The following ZNF710 variants were observed in gnomAD, a reference collection of about 807,000 sequenced individuals.
The protein encoded by ZNF710 is zinc finger protein 710.
Under a neutral mutation model 50.6 loss-of-function variants are expected in ZNF710, and 13 were observed. The ratio of observed to expected loss-of-function variants is 0.26; its 90% CI spans 0.17 to 0.41. The LOEUF (loss-of-function observed/expected upper bound fraction) is 0.41, where lower values mean the gene tolerates loss of function less well. Among genes scored for constraint, ZNF710 ranks in the 10% least tolerant of loss-of-function variants. The probability of loss-of-function intolerance (pLI) is 1.00; values close to 1 mark genes in which losing one functional copy is unlikely to be tolerated. For missense variants in ZNF710, 721 were observed against 936.6 expected, an observed-to-expected ratio of 0.77 and a Z score of 3.01; for synonymous variants, 383 against 397.0, an observed-to-expected ratio of 0.96 and a Z score of 0.42.
At chr15:90,036,557 C>G (rs1899133458) in intron 1 of ZNF710, among the ~76,000 whole-genome samples, 2 of 152,212 alleles carry the variant, frequency 1.3e-5, no homozygotes, top group Admixed American at 6.5e-5. Context: ...TCCCCACATT[C>G]AGCTGTCAGT....
intron 1 of ZNF710, among the ~76,000 whole-genome samples, chr15:90,039,018 C>T (rs1899218086): frequency 6.6e-6 from 1 of 152,164 alleles, no homozygotes; most frequent in Admixed American, 6.5e-5. Flanking sequence ...GTGGCTCACG[C>T]CTATAATCCC....
upstream of ZNF710, among the ~76,000 whole-genome samples, chr15:89,998,982 T>A (rs1897964720): frequency 6.6e-6 from 1 of 152,210 alleles, no homozygotes; most frequent in African/African-American, 2.4e-5. Flanking sequence ...CTCCCCTTTT[T>A]CCCACTTGTG....
chr15:90,000,985 A>AG (rs1413206082), upstream of ZNF710, among the ~76,000 whole-genome samples: 2 of 151,824 alleles, frequency 1.3e-5, no homozygotes, highest in Non-Finnish European at 2.9e-5. Flanking sequence ...TGCTGAGAGG[A>AG]GAAAAAAAAA....
chr15:90,007,412 T>C (rs1402165070), intron 1 of ZNF710, among the ~76,000 whole-genome samples: 1 of 151,902 alleles, frequency 6.6e-6, no homozygotes, highest in East Asian at 1.9e-4. Flanking sequence ...TCTTGCAGTG[T>C]GTGGGTGGGC....
At chr15:90,042,598 T>C (rs905303888) in intron 1 of ZNF710, among the ~76,000 whole-genome samples, 15 of 152,208 alleles carry the variant, frequency 9.9e-5, no homozygotes, top group African/African-American at 3.6e-4. Context: ...AAAAAGGAGC[T>C]GCTGCGTAAA....
In ZNF710 at chr15:90,030,888, G is replaced by A. The variant is rs182130232; in HGVS notation, c.-29+29274G>A. Among the ~76,000 whole-genome samples the A allele has an allele frequency of 7.4e-4, 112 of 151,534 alleles. 2 individuals are homozygous for A. Among genetic ancestry groups the A allele is most frequent in the Admixed American group, 6.0e-3 (92 of 15,244 alleles). ...CAAAAAATTAGCCGGGCATGGTGGC[G>A]CGCGCCTGTAGTCCCAGCTACTTGG... is the stretch of plus-strand genomic sequence containing the variant. On this transcript the variant is annotated intron_variant, in intron 1 of 4. Transcript: ENST00000268154.
intron 1 of ZNF710, among the ~76,000 whole-genome samples, chr15:90,042,987 C>T (rs538953410): frequency 6.6e-6 from 1 of 152,362 alleles, no homozygotes; most frequent in Non-Finnish European, 1.5e-5. Flanking sequence ...TAAAAAGAGC[C>T]AACCCACCCG....
intron 1 of ZNF710, among the ~76,000 whole-genome samples, chr15:90,045,028 C>T (rs1448919582): frequency 1.3e-5 from 2 of 152,192 alleles, no homozygotes; most frequent in Non-Finnish European, 2.9e-5. Flanking sequence ...TGAACTCCTA[C>T]ACAACCTACA....
intron 1 of ZNF710, among the ~76,000 whole-genome samples, chr15:90,058,693 CTATATATTTA>C (rs1452181276): frequency 1.5e-5 from 2 of 136,452 alleles, no homozygotes; most frequent in Non-Finnish European, 3.0e-5. Flanking sequence ...GTAGGAGACA[CTATATATTTA>C]TATATATATA....
rs901475930 is a variant in ZNF710, at chr15:90,062,155, C to T, written c.-28-4955C>T. ...CCACAGCCTCATTCTCTCTCCCTCC[C>T]CCTCACTCAGGCTCCTCCTCTGCCC... On this transcript the variant is annotated intron_variant, in intron 1 of 4. Transcript: ENST00000268154. This position sits in a 1 kb window ranked among gnomAD's most constrained non-coding sequence, Gnocchi z 5.6. Among the ~76,000 whole-genome samples, 2 of 151,462 alleles carry T rather than the reference C, an allele frequency of 1.3e-5. No homozygotes were observed. The highest frequency in any genetic ancestry group is 2.4e-5 in the African/African-American group (1 of 41,236).
chr15:90,042,043 G>T (rs534984385), intron 1 of ZNF710, among the ~76,000 whole-genome samples: 1 of 151,872 alleles, frequency 6.6e-6, no homozygotes, highest in Non-Finnish European at 1.5e-5. Flanking sequence ...GATTACAGGC[G>T]CCCACTACCA....
chr15:90,065,682 C>T (rs949116506), intron 1 of ZNF710, among the ~76,000 whole-genome samples: 2 of 152,134 alleles, frequency 1.3e-5, no homozygotes, highest in African/African-American at 4.8e-5. Context: ...GAGCCCCCAG[C>T]GAGGGAAGAG....
chr15:90,021,474 G>T (rs550214329), intron 1 of ZNF710, among the ~76,000 whole-genome samples: 1 of 152,150 alleles, frequency 6.6e-6, no homozygotes, highest in African/African-American at 2.4e-5. Flanking sequence ...CCTGCGGACC[G>T]CGGTGCTATG....
intron 1 of ZNF710, among the ~76,000 whole-genome samples, chr15:90,026,240 G>GA (rs1286311405): frequency 6.5e-5 from 2 of 30,786 alleles, no homozygotes; most frequent in African/African-American, 4.0e-4. Context: ...GGAGAAATGA[G>GA]AAAAAAAACA....
chr15:90,014,584 C>A (rs1288419604), intron 1 of ZNF710, among the ~76,000 whole-genome samples: 3 of 146,278 alleles, frequency 2.1e-5, no homozygotes, highest in Non-Finnish European at 3.0e-5. Context: ...ATCTAAAAAA[C>A]GAACACATTA....
intron 1 of ZNF710, among the ~76,000 whole-genome samples, chr15:90,057,359 C>T (rs1596292769): frequency 6.6e-6 from 1 of 151,956 alleles, no homozygotes; most frequent in Non-Finnish European, 1.5e-5. Flanking sequence ...ACTTGATTCA[C>T]CAGGCAAGGC....
At chr15:90,041,642 C>T (rs1899297789) in intron 1 of ZNF710, among the ~76,000 whole-genome samples, 1 of 152,184 alleles carries the variant, frequency 6.6e-6, no homozygotes, top group Admixed American at 6.5e-5. Flanking sequence ...TGTTCTAACG[C>T]AGCCTTTACA....
intron 1 of ZNF710, among the ~76,000 whole-genome samples, chr15:90,063,939 C>G (rs538299760): frequency 6.6e-5 from 10 of 152,206 alleles, no homozygotes; most frequent in Non-Finnish European, 1.2e-4. Context: ...CTCTTCCCCC[C>G]CATAGAGATG....
At chr15:90,000,582 G>A (rs974653059), upstream of ZNF710, among the ~76,000 whole-genome samples, 37 of 152,300 alleles carry the variant, frequency 2.4e-4, no homozygotes, top group African/African-American at 8.9e-4. Context: ...CGGAGCCCGC[G>A]CCGCTCCCTC....
Sources: allele counts gnomAD v4.1 joint callset (sites outside exome capture counted in the v4.1 genomes callset), GRCh38; gene constraint gnomAD v4.1.1; non-coding constraint Gnocchi (gnomAD v3.1); transcripts MANE v1.5; gene names NCBI Gene and HGNC (gene_info 2026-07-23, HGNC 2026-07-21).